KCNMB1: variants seen among roughly 807,000 people sequenced by gnomAD.
KCNMB1 encodes potassium calcium-activated channel subfamily M regulatory beta subunit 1, also known as calcium-activated potassium channel subunit beta-1.
In KCNMB1, 22 loss-of-function variants were observed where a neutral mutation model predicts 21.7. The observed-to-expected ratio is 1.01, with a 90% confidence interval of 0.72 to 1.45. The LOEUF is 1.45. Among genes scored for constraint, KCNMB1 ranks in the 40% most tolerant of loss-of-function variants. The pLI is 0.00. For synonymous variants in KCNMB1, 114 were observed against 107.6 expected (o/e 1.06, Z -0.37); for missense variants, 243 against 243.4 (o/e 1.00, Z 0.01).
At position 170,378,862 on chromosome 5, in the gene KCNMB1, G is replaced by A. The variant is rs76348543; in HGVS notation, c.418C>T (p.Arg140Trp). 6,230 of 1,614,238 alleles carry A rather than the reference G, an allele frequency of 3.9e-3. 193 individuals are homozygous for A. In the African/African-American group the frequency reaches 0.072, roughly 19 times the overall value. ...QQVFYCFSAP[R>W]GNETSVLFQR... The stretch of plus-strand genomic sequence containing the variant: ...AATAGGACGCTGGTTTCGTTCCCCC[G>A]AGGTGCGGAGAAGCAGTAGAAGACC... Residue 140 changes from arginine (R) to tryptophan (W), a missense_variant, in exon 4 of 4, where the codon CGG (arginine) becomes TGG (tryptophan). Coordinates refer to ENST00000274629, the MANE Select transcript of KCNMB1 (RefSeq NM_004137.4).
In KCNMB1 at chr5:170,378,867, G is replaced by A. The variant is rs376837648; in HGVS notation, c.413C>T (p.Ala138Val). The change falls in exon 4 of 4, where the codon GCA becomes GTA. Residue 138 changes from alanine to valine, a missense_variant. By Grantham distance (64) the Ala-to-Val change is moderately conservative. Transcript: ENST00000274629. ...GACGCTGGTTTCGTTCCCCCGAGGT[G>A]CGGAGAAGCAGTAGAAGACCTGCTG... ...QEQQVFYCFS[A>V]PRGNETSVLF... The A allele has an allele frequency of 5.6e-6, 9 of 1,614,246 alleles. No individual in the cohort carries two copies. Among genetic ancestry groups the A allele is most frequent in the Non-Finnish European group, 7.6e-6 (9 of 1,180,046 alleles).
At chr5:170,387,669 C>G (rs1019329117) in intron 1 of KCNMB1, among the ~76,000 whole-genome samples, 2 of 152,218 alleles carry the variant, frequency 1.3e-5, no homozygotes, top group Non-Finnish European at 2.9e-5. Flanking sequence ...TTATTCAACT[C>G]TTTTTATTCA....
chr5:170,384,385 C>A (rs1005311517), intron 2 of KCNMB1, among the ~76,000 whole-genome samples: 2 of 152,158 alleles, frequency 1.3e-5, no homozygotes, highest in African/African-American at 2.4e-5. Flanking sequence ...CTAAAAGGAG[C>A]AGATGTAGAA....
intron 1 of KCNMB1, among the ~76,000 whole-genome samples, chr5:170,387,977 G>A (rs914158770): frequency 4.6e-5 from 7 of 152,190 alleles, no homozygotes; most frequent in African/African-American, 1.7e-4. Flanking sequence ...GAACTGGATC[G>A]CACCTGTGGG....
intron 3 of KCNMB1, 95 bp from the exon 4 acceptor site, chr5:170,379,068 T>C (rs1235696703): frequency 1.9e-5 from 27 of 1,454,032 alleles, no homozygotes; most frequent in Non-Finnish European, 2.3e-5. Context: ...AGCTTTGTAG[T>C]CGGGCCCCTG....
rs1764107449 is a variant in KCNMB1, at chr5:170,378,690, A to T, written c.*14T>A. The stretch of plus-strand genomic sequence containing the variant: ...CCTGTGCCCTGACAAGTGGTATGGC[A>T]TGGATGGATGGCTCTACTTCTGGGC... On this transcript the variant is annotated 3_prime_UTR_variant, in exon 4 of 4. Transcript: ENST00000274629. 6.3e-7 allele frequency: 1 copy of T among 1,599,152 alleles called. No individual in the cohort carries two copies. The highest frequency in any genetic ancestry group is 1.7e-5 in the Admixed American group (1 of 58,834).
At chr5:170,385,146 C>A (rs1467033185) in intron 2 of KCNMB1, among the ~76,000 whole-genome samples, 168 bp downstream of exon 2, 2 of 152,194 alleles carry the variant, frequency 1.3e-5, no homozygotes, top group Admixed American at 1.3e-4. Context: ...CTCAGTTCAT[C>A]CTACCTTCCC....
At chr5:170,381,765 G>C (rs113516727) in intron 3 of KCNMB1, among the ~76,000 whole-genome samples, 2,711 of 152,312 alleles carry the variant, frequency 0.018, 35 homozygotes, top group Middle Eastern at 0.054. Flanking sequence ...AAACCAGCCT[G>C]CTCTGGCCCA....
chr5:170,382,404 A>G (rs2113337780), intron 3 of KCNMB1, among the ~76,000 whole-genome samples: 1 of 152,266 alleles, frequency 6.6e-6, no homozygotes, highest in South Asian at 2.1e-4. Flanking sequence ...ACACACTCAC[A>G]TTTTAATTCC....
rs200566859 is a variant in KCNMB1, at chr5:170,387,893, T to C, written c.-25+1366A>G. Among the ~76,000 whole-genome samples the C allele has an allele frequency of 1.5e-4, 23 of 152,334 alleles. No homozygotes were observed. In the East Asian group the frequency reaches 2.7e-3, roughly 18 times the overall value. On this transcript the variant is annotated intron_variant, in intron 1 of 3. Transcript: ENST00000274629. Reference sequence around the variant, plus strand: ...CCAGATACTGTGAGACATAAATCATTTGAAGCCAATGGGAAATCCCATCTT... The same window carrying C: ...CCAGATACTGTGAGACATAAATCATCTGAAGCCAATGGGAAATCCCATCTT...
chr5:170,378,592 G>T lies in KCNMB1; in HGVS notation c.*112C>A. The T allele has an allele frequency of 8.9e-7, 1 of 1,126,976 alleles. No homozygotes were observed. The highest frequency in any genetic ancestry group is 1.3e-6 in the Non-Finnish European group (1 of 786,562). 69.8% of individuals were successfully genotyped at this position (1,126,976 alleles called of 1,614,324 possible). On this transcript the variant is annotated 3_prime_UTR_variant, in exon 4 of 4. Transcript: ENST00000274629. ...AACAGAAGACAGCGTGGATTGGACT[G>T]GAAGAGTGGGAGGGCAGGTGGAGAA...
At chr5:170,381,967 T>C (rs556185029) in intron 3 of KCNMB1, among the ~76,000 whole-genome samples, 67 of 152,214 alleles carry the variant, frequency 4.4e-4, no homozygotes, top group African/African-American at 1.6e-3. Context: ...CATCCTGCAC[T>C]GCCCAGACCC....
Position 170,378,331 on chromosome 5 carries a change from G to A in KCNMB1, c.*373C>T. ...GGCTCGCTGGGGACAGCTTCTGGGG[G>A]AGGATGGGTACCGCTTTGAGACAAC... On this transcript the variant is annotated 3_prime_UTR_variant, in exon 4 of 4. Coordinates refer to ENST00000274629, the MANE Select transcript of KCNMB1 (RefSeq NM_004137.4). The A allele has an allele frequency of 5.2e-6, 1 of 190,516 alleles. No individual in the cohort carries two copies. Among genetic ancestry groups the A allele is most frequent in the Admixed American group, 5.7e-5 (1 of 17,432 alleles). The allele number at this position is 190,516 out of a possible 1,614,324, so 11.8% of individuals were successfully genotyped here.
At chr5:170,381,506 C>A (rs1314454127) in intron 3 of KCNMB1, among the ~76,000 whole-genome samples, 1 of 152,224 alleles carries the variant, frequency 6.6e-6, no homozygotes, top group East Asian at 1.9e-4. Context: ...CACTTGAACC[C>A]CTATGATGGA....
chr5:170,379,891 G>A (rs550221200), intron 3 of KCNMB1, among the ~76,000 whole-genome samples: 1 of 151,718 alleles, frequency 6.6e-6, no homozygotes, highest in South Asian at 2.1e-4. Flanking sequence ...GTTGGAGGCT[G>A]CAGTGAGCTA....
intron 3 of KCNMB1, 28 bp downstream of exon 3, chr5:170,383,651 A>G: frequency 6.2e-7 from 1 of 1,612,930 alleles, no homozygotes; most frequent in Non-Finnish European, 8.5e-7. Context: ...GGATAAAGGG[A>G]TGTGTCCCCA....
chr5:170,388,063 T>A (rs557934391), intron 1 of KCNMB1, among the ~76,000 whole-genome samples: 2 of 152,330 alleles, frequency 1.3e-5, no homozygotes, highest in South Asian at 4.1e-4. Flanking sequence ...CTATTTGGCT[T>A]CTAGTGCCCT....
At chr5:170,381,051 C>T (rs1456527841) in intron 3 of KCNMB1, among the ~76,000 whole-genome samples, 5 of 152,162 alleles carry the variant, frequency 3.3e-5, no homozygotes, top group African/African-American at 1.2e-4. Flanking sequence ...CCTTCTTTAC[C>T]TTCTTAAAAA....
At position 170,376,075 on chromosome 5, in the gene KCNMB1, T is replaced by A. The variant is rs1181141022; in HGVS notation, c.*2629A>T. On this transcript the variant is annotated 3_prime_UTR_variant, in exon 4 of 4. Transcript: ENST00000274629. Reference sequence around the variant, plus strand: ...AATTAGTACAGTGCCTGGCACAGAATAAATAAGCACCCATACATGCCAGAT... The same window carrying A: ...AATTAGTACAGTGCCTGGCACAGAAAAAATAAGCACCCATACATGCCAGAT... 1 of 149,238 alleles carries A rather than the reference T, an allele frequency of 6.7e-6. No homozygotes were observed. Among genetic ancestry groups the A allele is most frequent in the African/African-American group, 2.5e-5 (1 of 40,628 alleles). The allele number at this position is 149,238 out of a possible 1,614,324, so 9.2% of individuals were successfully genotyped here. A position where few individuals can be genotyped will look rare whatever the true frequency, so the allele number is the denominator to read the frequency against.
Sources: allele counts gnomAD v4.1 joint callset (sites outside exome capture counted in the v4.1 genomes callset), GRCh38; gene constraint gnomAD v4.1.1; transcripts MANE v1.5; gene names NCBI Gene and HGNC (gene_info 2026-07-23, HGNC 2026-07-21).